Variants in USP48 observed in about 807,000 individuals in gnomAD.
The protein encoded by USP48 is ubiquitin specific peptidase 48.
In USP48, 43 loss-of-function variants were observed where a neutral mutation model predicts 150.7. The ratio of observed to expected loss-of-function variants is 0.29; its 90% confidence interval spans 0.22 to 0.37. USP48 has a LOEUF of 0.37. USP48 is among the 10% of genes least tolerant of loss of function. The probability of loss-of-function intolerance (pLI) is 1.00; values close to 1 mark genes in which losing one functional copy is unlikely to be tolerated. For missense variants in USP48, 813 were observed against 1,249.6 expected (o/e 0.65, Z 5.27); for synonymous variants, 396 against 425.9 (o/e 0.93, Z 0.86).
At chr1:21,739,518 C>CAAAA (rs61410306) in intron 8 of USP48, among the ~76,000 whole-genome samples, 8 of 66,292 alleles carry the variant, frequency 1.2e-4, no homozygotes, top group African/African-American at 3.9e-4. Flanking sequence ...GACTCCGTCT[C>CAAAA]AAAAAAAAAA....
intron 1 of USP48, among the ~76,000 whole-genome samples, chr1:21,782,555 C>T (rs942261705): frequency 3.9e-5 from 6 of 152,238 alleles, no homozygotes; most frequent in Non-Finnish European, 7.3e-5. Context: ...TTGCTAAGCT[C>T]TCAGCTCCTG....
intron 1 of USP48, among the ~76,000 whole-genome samples, chr1:21,771,112 C>A (rs1013887816): frequency 2.0e-5 from 3 of 152,004 alleles, no homozygotes; most frequent in Non-Finnish European, 4.4e-5. Flanking sequence ...GGTGACAGAG[C>A]AAGACTGTCT....
chr1:21,767,219 T>C (rs1206954044), intron 1 of USP48, among the ~76,000 whole-genome samples: 1 of 152,168 alleles, frequency 6.6e-6, no homozygotes, highest in African/African-American at 2.4e-5. Flanking sequence ...CCGGCTTTTT[T>C]GTATCATTTG....
chr1:21,762,971 G>A (rs2097853596), intron 1 of USP48, among the ~76,000 whole-genome samples: 1 of 151,632 alleles, frequency 6.6e-6, no homozygotes, highest in South Asian at 2.1e-4. Context: ...CACTGGATCT[G>A]TTTAGATTTT....
intron 11 of USP48, chr1:21,724,832 G>A (rs1182240548): frequency 1.3e-5 from 2 of 152,134 alleles, no homozygotes; most frequent in Admixed American, 6.5e-5. Flanking sequence ...CTCAAAATGA[G>A]TTTTAATTTG....
intron 23 of USP48, among the ~76,000 whole-genome samples, chr1:21,692,377 G>T (rs1412393444): frequency 1.3e-5 from 2 of 152,158 alleles, no homozygotes; most frequent in Non-Finnish European, 2.9e-5. Context: ...CATGAAGATT[G>T]AGCAGAGCTA....
At chr1:21,774,041 T>C (rs1363973758) in intron 1 of USP48, among the ~76,000 whole-genome samples, 3 of 151,998 alleles carry the variant, frequency 2.0e-5, no homozygotes, top group African/African-American at 7.3e-5. Flanking sequence ...TAGGTGGGTA[T>C]GGTGGCATGC....
At chr1:21,740,954 A>G (rs1421852302) in intron 8 of USP48, among the ~76,000 whole-genome samples, 1 of 152,244 alleles carries the variant, frequency 6.6e-6, no homozygotes, top group Non-Finnish European at 1.5e-5. Context: ...AGCTGAAGAA[A>G]TTATGCAGAA....
intron 15 of USP48, among the ~76,000 whole-genome samples, chr1:21,712,579 T>C (rs2097693126): frequency 6.6e-6 from 1 of 151,656 alleles, no homozygotes; most frequent in Admixed American, 6.6e-5. Context: ...CCTGGACGCA[T>C]GGTATGCTGG....
chr1:21,738,609 C>T (rs543560491), intron 8 of USP48, among the ~76,000 whole-genome samples: 2 of 151,888 alleles, frequency 1.3e-5, no homozygotes, highest in South Asian at 2.1e-4. Flanking sequence ...CCATCTGCCT[C>T]GGCCTCCCAA....
chr1:21,730,689 A>G (rs935512567), intron 9 of USP48, among the ~76,000 whole-genome samples: 20 of 152,050 alleles, frequency 1.3e-4, no homozygotes, highest in African/African-American at 4.1e-4. Context: ...CCTCAAAAAA[A>G]TAAATAAATA....
At chr1:21,682,305 T>C (rs12404648) in intron 25 of USP48, among the ~76,000 whole-genome samples, 10,625 of 152,214 alleles carry the variant, frequency 0.07, 531 homozygotes, top group East Asian at 0.22. Context: ...CTCCTACTTC[T>C]AGATGCTTTC....
chr1:21,719,289 T>G (rs1294964661), intron 14 of USP48, among the ~76,000 whole-genome samples: 1 of 119,888 alleles, frequency 8.3e-6, no homozygotes, highest in Non-Finnish European at 1.8e-5. Flanking sequence ...CTCAAAAAAG[T>G]AAAAAAAAAA....
chr1:21,778,039 A>T (rs1293517347), intron 1 of USP48, among the ~76,000 whole-genome samples: 1 of 150,620 alleles, frequency 6.6e-6, no homozygotes, highest in East Asian at 2.0e-4. Context: ...GCTACTCGGG[A>T]GGCTGAGGCA....
At position 21,753,128 on chromosome 1, in the gene USP48, A is replaced by G. The variant is rs371801687; in HGVS notation, c.413-9T>C. Reference sequence around the variant, plus strand: ...TGTTTGAGGCTCATAATCTATTAAAACAAAAATATAGATTTGGGGTTTTTT... The same window carrying G: ...TGTTTGAGGCTCATAATCTATTAAAGCAAAAATATAGATTTGGGGTTTTTT... On this transcript the variant is annotated splice_polypyrimidine_tract_variant and intron_variant, in intron 3 of 26. Transcript: ENST00000308271. 1.0e-5 allele frequency: 16 copies of G among 1,589,550 alleles called. No homozygotes were observed. Among genetic ancestry groups the G allele is most frequent in the African/African-American group, 5.5e-5 (4 of 73,222 alleles).
chr1:21,706,381 G>T, intron 17 of USP48, 86 bp downstream of exon 17: 1 of 1,586,450 alleles, frequency 6.3e-7, no homozygotes, highest in South Asian at 1.1e-5. Flanking sequence ...GAGAAGTTCT[G>T]GGTTGTTCTG....
At chr1:21,742,476 G>A (rs1378331754) in intron 8 of USP48, among the ~76,000 whole-genome samples, 6 of 151,304 alleles carry the variant, frequency 4.0e-5, no homozygotes, top group African/African-American at 9.7e-5. Flanking sequence ...CCTGGGAGGC[G>A]GAGGTTGCGG....
intron 9 of USP48, among the ~76,000 whole-genome samples, chr1:21,732,263 A>G (rs541216813): frequency 9.9e-6 from 1 of 101,272 alleles, no homozygotes; most frequent in Non-Finnish European, 2.6e-5. Context: ...TGGGCGACAC[A>G]GTGAGACTCT....
chr1:21,779,024 G>A (rs1014685118), intron 1 of USP48, among the ~76,000 whole-genome samples: 4 of 151,820 alleles, frequency 2.6e-5, no homozygotes, highest in Non-Finnish European at 5.9e-5. Context: ...CTCGTGATCC[G>A]CCAGCCTTGG....
Sources: allele counts gnomAD v4.1 joint callset (sites outside exome capture counted in the v4.1 genomes callset), GRCh38; gene constraint gnomAD v4.1.1; transcripts MANE v1.5; gene names NCBI Gene and HGNC (gene_info 2026-07-23, HGNC 2026-07-21).